LRRC1: variants seen among roughly 807,000 people sequenced by gnomAD.
LRRC1 encodes leucine-rich repeat-containing protein 1.
A neutral mutation model predicts 69.9 loss-of-function variants in LRRC1; 28 were observed. That is an observed-to-expected ratio of 0.40 (90% CI 0.30 to 0.55). The LOEUF (loss-of-function observed/expected upper bound fraction) is 0.55, where lower values mean the gene tolerates loss of function less well. LRRC1 is among the 20% of genes least tolerant of loss of function. LRRC1 has a pLI of 0.47. For synonymous variants in LRRC1, 236 were observed against 240.2 expected (o/e 0.98, Z 0.16); for missense variants, 498 against 609.0 (o/e 0.82, Z 1.92).
At chr6:53,825,274 T>A (rs1317711060) in intron 1 of LRRC1, among the ~76,000 whole-genome samples, 1 of 152,208 alleles carries the variant, frequency 6.6e-6, no homozygotes, top group Non-Finnish European at 1.5e-5. Context: ...GCACTTTGGA[T>A]GTTTTTGTAG....
At chr6:53,830,960 AT>A (rs1765411418) in intron 1 of LRRC1, among the ~76,000 whole-genome samples, 1 of 144,710 alleles carries the variant, frequency 6.9e-6, no homozygotes, top group African/African-American at 2.5e-5. Context: ...ATATATATAT[AT>A]AATATATAGT....
chr6:53,867,195 T>A (rs958707023), intron 2 of LRRC1, among the ~76,000 whole-genome samples: 4 of 152,180 alleles, frequency 2.6e-5, no homozygotes, highest in Middle Eastern at 3.4e-3. Flanking sequence ...CCTTAACGTT[T>A]TTGTGAAGGT....
intron 4 of LRRC1, chr6:53,884,247 G>A: frequency 6.6e-6 from 3 of 457,914 alleles, no homozygotes; most frequent in African/African-American, 2.0e-5. Flanking sequence ...GCTCACACCT[G>A]TAATGCCAGC....
chr6:53,884,359 T>A (rs1406962299), intron 4 of LRRC1, among the ~76,000 whole-genome samples: 2 of 151,776 alleles, frequency 1.3e-5, no homozygotes, highest in Non-Finnish European at 2.9e-5. Flanking sequence ...AAAAAAAAAT[T>A]AGCTGGGCCT....
chr6:53,867,824 G>A (rs988345361), intron 2 of LRRC1, among the ~76,000 whole-genome samples: 4 of 151,588 alleles, frequency 2.6e-5, no homozygotes, highest in African/African-American at 4.9e-5. Context: ...GCGTGGTGGC[G>A]TGCACCTGTA....
Position 53,856,626 on chromosome 6 carries a change from G to A in LRRC1, c.277+14399G>A, listed in dbSNP as rs187953860. ...GCATGATGAATTTGGGGAAATGCAA[G>A]AAATTACTGGAGCCGGTGGAAAGAG... On this transcript the variant is annotated intron_variant, in intron 2 of 13. Coordinates refer to ENST00000370888, the MANE Select transcript of LRRC1 (RefSeq NM_018214.5). 5.7e-3 allele frequency among the ~76,000 whole-genome samples: 867 copies of A among 152,318 alleles called. 7 individuals carry two copies. The highest frequency in any genetic ancestry group is 0.02 in the African/African-American group (824 of 41,568).
intron 1 of LRRC1, among the ~76,000 whole-genome samples, chr6:53,821,431 T>C (rs1765112222): frequency 6.6e-6 from 1 of 152,234 alleles, no homozygotes; most frequent in Non-Finnish European, 1.5e-5. Context: ...TTAAAATAAA[T>C]GAAAACATTT....
chr6:53,821,011 T>G (rs1765099594), intron 1 of LRRC1, among the ~76,000 whole-genome samples: 1 of 152,220 alleles, frequency 6.6e-6, no homozygotes, highest in African/African-American at 2.4e-5. Flanking sequence ...GTACCACAGC[T>G]TGTTCTCTCT....
chr6:53,881,401 A>G (rs942268600), intron 3 of LRRC1, among the ~76,000 whole-genome samples: 1 of 152,188 alleles, frequency 6.6e-6, no homozygotes, highest in African/African-American at 2.4e-5. Context: ...AATCAAAACT[A>G]TATTTTTCTT....
At chr6:53,922,188 A>G (rs1420388220) in intron 13 of LRRC1, among the ~76,000 whole-genome samples, 4 of 152,140 alleles carry the variant, frequency 2.6e-5, no homozygotes, top group African/African-American at 7.2e-5. Context: ...CATGCCTCCC[A>G]TGCCTCATTC....
intron 2 of LRRC1, among the ~76,000 whole-genome samples, chr6:53,864,561 T>C (rs1196541666): frequency 6.6e-6 from 1 of 152,126 alleles, no homozygotes; most frequent in Non-Finnish European, 1.5e-5. Flanking sequence ...AGAATGACCT[T>C]GGACAATTTA....
Position 53,924,075 on chromosome 6 carries a change from CATAT to C in LRRC1, c.*1287_*1290del, listed in dbSNP as rs1467139320. ...GTCACTGTGTGGTGTCTAGGAAAATCATATATATTTTTTTCTCCAAGAAATAAAT... is the reference window on the plus strand; with the variant it reads ...GTCACTGTGTGGTGTCTAGGAAAATCATATTTTTTTCTCCAAGAAATAAAT... On this transcript the variant is annotated 3_prime_UTR_variant, in exon 14 of 14. Coordinates refer to ENST00000370888, the MANE Select transcript of LRRC1 (RefSeq NM_018214.5). 6.6e-6 allele frequency: 1 copy of C among 152,622 alleles called. No homozygotes were observed. The highest frequency in any genetic ancestry group is 2.1e-4 in the South Asian group (1 of 4,828). The allele number at this position is 152,622 out of a possible 1,614,324, so 9.5% of individuals were successfully genotyped here. A position where few individuals can be genotyped will look rare whatever the true frequency, so the allele number is the denominator to read the frequency against.
chr6:53,810,589 C>T (rs559947611), intron 1 of LRRC1, among the ~76,000 whole-genome samples: 2 of 151,900 alleles, frequency 1.3e-5, no homozygotes, highest in South Asian at 4.2e-4. Context: ...CACTGCACTC[C>T]AGCCTGGGCG....
chr6:53,842,514 T>G (rs1765823813), intron 2 of LRRC1, among the ~76,000 whole-genome samples: 2 of 152,202 alleles, frequency 1.3e-5, no homozygotes, highest in African/African-American at 4.8e-5. Context: ...AAAAAAAATT[T>G]CATAACACAA....
At chr6:53,890,024 G>A (rs1204636816) in intron 4 of LRRC1, among the ~76,000 whole-genome samples, 1 of 152,150 alleles carries the variant, frequency 6.6e-6, no homozygotes, top group Non-Finnish European at 1.5e-5. Context: ...GAGTGAGAGT[G>A]GAGGTCAAGA....
intron 2 of LRRC1, among the ~76,000 whole-genome samples, chr6:53,858,956 T>C (rs1470893924): frequency 1.3e-5 from 2 of 152,246 alleles, no homozygotes; most frequent in African/African-American, 4.8e-5. Context: ...AAATGTATTA[T>C]AAATATCACA....
At chr6:53,855,321 C>G (rs1766275008) in intron 2 of LRRC1, among the ~76,000 whole-genome samples, 1 of 152,172 alleles carries the variant, frequency 6.6e-6, no homozygotes, top group African/African-American at 2.4e-5. Flanking sequence ...AAAGAACAAG[C>G]CTTCCATTCA....
chr6:53,873,761 G>A (rs1766976178), intron 2 of LRRC1, among the ~76,000 whole-genome samples: 1 of 152,076 alleles, frequency 6.6e-6, no homozygotes, highest in Non-Finnish European at 1.5e-5. Context: ...TTCCAGTATG[G>A]ATGCCCTTTA....
At chr6:53,914,227 A>T (rs1467088448) in intron 11 of LRRC1, among the ~76,000 whole-genome samples, 7 of 152,090 alleles carry the variant, frequency 4.6e-5, no homozygotes, top group Non-Finnish European at 8.8e-5. Flanking sequence ...TCCCAGAATG[A>T]CAGTACAGTG....
Sources: allele counts gnomAD v4.1 joint callset (sites outside exome capture counted in the v4.1 genomes callset), GRCh38; gene constraint gnomAD v4.1.1; transcripts MANE v1.5; gene names NCBI Gene and HGNC (gene_info 2026-07-23, HGNC 2026-07-21).